Variants in CNTNAP2 observed in about 807,000 individuals in gnomAD.
The protein encoded by CNTNAP2 is contactin-associated protein-like 2.
In CNTNAP2, 98 loss-of-function variants were observed where a neutral mutation model predicts 155.2. The ratio of observed to expected loss-of-function variants is 0.63; its 90% CI spans 0.54 to 0.75. CNTNAP2 has a LOEUF of 0.75. Ranked by LOEUF, CNTNAP2 falls within the 30% of genes least tolerant of loss-of-function variation. The probability of loss-of-function intolerance (pLI) is 0.00; values close to 1 mark genes in which losing one functional copy is unlikely to be tolerated. For synonymous variants in CNTNAP2, 651 were observed against 631.2 expected (o/e 1.03, Z -0.47); for missense variants, 1,727 against 1,688.1 (o/e 1.02, Z -0.40).
chr7:147,883,492 C>T (rs916629557), intron 13 of CNTNAP2, among the ~76,000 whole-genome samples: 2 of 152,014 alleles, frequency 1.3e-5, no homozygotes, highest in Non-Finnish European at 2.9e-5. Flanking sequence ...AAGATAAGCC[C>T]AATTATGAAC....
intron 2 of CNTNAP2, among the ~76,000 whole-genome samples, chr7:146,775,949 C>T (rs1293593926): frequency 1.3e-5 from 2 of 152,016 alleles, no homozygotes; most frequent in African/African-American, 2.4e-5. Context: ...ACCTGATATT[C>T]ATCAGGCTAT....
intron 1 of CNTNAP2, among the ~76,000 whole-genome samples, chr7:146,175,174 T>G (rs555649745): frequency 1.3e-5 from 2 of 152,260 alleles, no homozygotes; most frequent in Admixed American, 6.5e-5. Flanking sequence ...ATAATGGTAA[T>G]GGATCCCCAG....
chr7:147,078,569 CTT>C (rs1385226625), intron 4 of CNTNAP2, among the ~76,000 whole-genome samples: 1 of 151,900 alleles, frequency 6.6e-6, no homozygotes, highest in African/African-American at 2.4e-5. Context: ...CTTAACAGAC[CTT>C]GCTTGATGCC....
intron 1 of CNTNAP2, among the ~76,000 whole-genome samples, chr7:146,483,329 A>ATATATATATATG (rs1211403922): frequency 1.2e-5 from 1 of 84,614 alleles, no homozygotes; most frequent in Non-Finnish European, 2.3e-5. Context: ...ATATATATAT[A>ATATATATATATG]CATATATATA....
chr7:146,166,832 T>C (rs773610647), intron 1 of CNTNAP2, among the ~76,000 whole-genome samples: 47 of 152,146 alleles, frequency 3.1e-4, no homozygotes, highest in Non-Finnish European at 5.9e-4. Context: ...TAGCGGGAAA[T>C]AATGCTTGAG....
intron 8 of CNTNAP2, among the ~76,000 whole-genome samples, chr7:147,161,303 G>A (rs941323531): frequency 6.6e-6 from 1 of 152,150 alleles, no homozygotes; most frequent in Non-Finnish European, 1.5e-5. Flanking sequence ...GTGGGATAAG[G>A]ATAAGTGAGC....
chr7:146,157,755 G>T (rs1798150636), intron 1 of CNTNAP2, among the ~76,000 whole-genome samples: 1 of 152,296 alleles, frequency 6.6e-6, no homozygotes, highest in African/African-American at 2.4e-5. Context: ...ACTGGGTGGA[G>T]CCCACTGCAG....
At chr7:147,946,541 C>T (rs570682252) in intron 14 of CNTNAP2, among the ~76,000 whole-genome samples, 4 of 152,068 alleles carry the variant, frequency 2.6e-5, no homozygotes, top group Admixed American at 6.5e-5. Flanking sequence ...GTCCAAATTT[C>T]AGCTAGTTTC....
chr7:147,300,430 C>T (rs1416347687), intron 9 of CNTNAP2, 140 bp downstream of exon 9: 1 of 958,506 alleles, frequency 1.0e-6, no homozygotes, highest in African/African-American at 1.7e-5. Flanking sequence ...TTCCACTGAG[C>T]AAAACAAAAA....
At chr7:147,953,790 G>C (rs187001621) in intron 14 of CNTNAP2, among the ~76,000 whole-genome samples, 1 of 152,260 alleles carries the variant, frequency 6.6e-6, no homozygotes, top group East Asian at 1.9e-4. Flanking sequence ...TTCTTGGCTT[G>C]TAGACACATC....
chr7:148,010,838 T>A (rs1399768759), intron 15 of CNTNAP2, among the ~76,000 whole-genome samples: 1 of 152,094 alleles, frequency 6.6e-6, no homozygotes, highest in Non-Finnish European at 1.5e-5. Context: ...GCTCTATATT[T>A]TTTTCCTTTG....
rs573764698 is a variant in CNTNAP2 at position 146,486,929 on chromosome 7, TG to T, written c.98-287341del. Reference sequence around the variant, plus strand: ...AAGAAAACATTGCATCTTTTCCAGCTGTACTGTAACTTCACTCTGTGACTTG... The same window carrying T: ...AAGAAAACATTGCATCTTTTCCAGCTTACTGTAACTTCACTCTGTGACTTG... On this transcript the variant is annotated intron_variant, in intron 1 of 23. Coordinates refer to ENST00000361727, the MANE Select transcript of CNTNAP2 (RefSeq NM_014141.6). Among the ~76,000 whole-genome samples the T allele has an allele frequency of 1.6e-3, 239 of 152,340 alleles. 1 individual carries two copies. Among genetic ancestry groups the T allele is most frequent in the Non-Finnish European group, 3.0e-3 (204 of 68,038 alleles).
At chr7:146,198,972 G>C (rs1381974732) in intron 1 of CNTNAP2, among the ~76,000 whole-genome samples, 1 of 152,062 alleles carries the variant, frequency 6.6e-6, no homozygotes, top group East Asian at 1.9e-4. Context: ...TCTCTACTCT[G>C]TATTCATTTA....
intron 22 of CNTNAP2, among the ~76,000 whole-genome samples, chr7:148,403,054 C>T (rs573713406): frequency 2.9e-5 from 1 of 34,732 alleles, no homozygotes; most frequent in Admixed American, 1.6e-4. Context: ...TTACTCTCTC[C>T]TTATTCACTA....
intron 21 of CNTNAP2, among the ~76,000 whole-genome samples, chr7:148,268,936 A>C (rs909061783): frequency 6.6e-6 from 1 of 152,138 alleles, no homozygotes; most frequent in African/African-American, 2.4e-5. Context: ...CAGTTAATCT[A>C]GAATGCAAAG....
intron 1 of CNTNAP2, among the ~76,000 whole-genome samples, chr7:146,633,141 C>T (rs979743242): frequency 6.6e-6 from 1 of 152,104 alleles, no homozygotes; most frequent in African/African-American, 2.4e-5. Context: ...GGCATCCGAT[C>T]CTGGGAATAT....
At chr7:147,669,141 G>T (rs1158565504) in intron 13 of CNTNAP2, among the ~76,000 whole-genome samples, 1 of 152,082 alleles carries the variant, frequency 6.6e-6, no homozygotes, top group Non-Finnish European at 1.5e-5. Context: ...TACCATCTGG[G>T]TTTAAGTACA....
intron 1 of CNTNAP2, among the ~76,000 whole-genome samples, chr7:146,134,622 T>C (rs1308399625): frequency 6.0e-5 from 9 of 150,498 alleles, no homozygotes; most frequent in African/African-American, 2.2e-4. Flanking sequence ...TAGCATGAAG[T>C]GTTGTTGAAT....
intron 16 of CNTNAP2, among the ~76,000 whole-genome samples, chr7:148,141,082 C>G (rs918008767): frequency 6.6e-6 from 1 of 152,214 alleles, no homozygotes; most frequent in Non-Finnish European, 1.5e-5. Context: ...AGCCCCACCC[C>G]AAACCTACTG....
Sources: allele counts gnomAD v4.1 joint callset (sites outside exome capture counted in the v4.1 genomes callset), GRCh38; gene constraint gnomAD v4.1.1; transcripts MANE v1.5; gene names NCBI Gene and HGNC (gene_info 2026-07-23, HGNC 2026-07-21).